ABCA5: variants seen among roughly 807,000 people sequenced by gnomAD.
ABCA5 encodes the protein ATP binding cassette subfamily A member 5.
ABCA5 carries 163 observed loss-of-function variants against 206.0 expected under a neutral mutation model. That is an observed-to-expected ratio of 0.79 (90% CI 0.70 to 0.90). ABCA5 has a LOEUF of 0.90. Among genes scored for constraint, ABCA5 ranks in the 40% least tolerant of loss-of-function variants. The pLI, the probability that ABCA5 is intolerant of heterozygous loss-of-function variation, is 0.00. For synonymous variants in ABCA5, 609 were observed against 613.8 expected (o/e 0.99, Z 0.11); for missense variants, 1,859 against 1,912.9 (o/e 0.97, Z 0.53).
chr17:69,315,953 A>T (rs543676129), intron 1 of ABCA5, among the ~76,000 whole-genome samples: 5 of 152,280 alleles, frequency 3.3e-5, no homozygotes, highest in African/African-American at 1.2e-4. Flanking sequence ...AAATCTTAGC[A>T]AAGAAACAAG....
Position 69,271,231 on chromosome 17 carries a change from C to T in ABCA5, c.2823G>A (p.Met941Ile). The T allele has an allele frequency of 6.2e-7, 1 of 1,613,504 alleles. No homozygotes were observed. Among genetic ancestry groups the T allele is most frequent in the Non-Finnish European group, 8.5e-7 (1 of 1,179,620 alleles). ...FFTSQNIMVT[M>I]INDSDYVSVA... is the part of the protein sequence containing the mutation. ...CGGATACATAGTCACTGTCATTAAT[C>T]ATCGTCACCATTATGTTCTGGCTTG... The change falls in exon 21 of 39, where the codon ATG (methionine) becomes ATA (isoleucine). Residue 941 changes from methionine (M) to isoleucine (I), a missense_variant. Physicochemically the swap from Met to Ile is conservative, Grantham distance 10 (BLOSUM62 1). Coordinates refer to ENST00000392676, the MANE Select transcript of ABCA5 (RefSeq NM_172232.4).
chr17:69,283,856 T>C, intron 18 of ABCA5, 97 bp downstream of exon 18: 1 of 1,261,378 alleles, frequency 7.9e-7, no homozygotes, highest in South Asian at 1.5e-5. Context: ...CTACCCTTTA[T>C]TCTAAAAAAA....
At chr17:69,304,842 A>G in intron 6 of ABCA5, 32 bp from the exon 7 acceptor site, 1 of 1,541,590 alleles carries the variant, frequency 6.5e-7, no homozygotes, top group Non-Finnish European at 8.7e-7. Context: ...AGTTATGGTC[A>G]AATGCATAGG....
chr17:69,248,422 A>C, intron 37 of ABCA5, 105 bp from the exon 38 acceptor site: 1 of 645,810 alleles, frequency 1.5e-6, no homozygotes, highest in Non-Finnish European at 2.6e-6. Context: ...TAATCAACCC[A>C]CTTAAATTTG....
At chr17:69,260,437 T>C (rs901477437) in intron 26 of ABCA5, 25 bp from the exon 27 acceptor site, 2 of 1,408,574 alleles carry the variant, frequency 1.4e-6, no homozygotes, top group African/African-American at 2.8e-5. Flanking sequence ...TTTGAAAATA[T>C]ATACGCTGCA....
At chr17:69,311,136 G>A (rs1598204717) in intron 3 of ABCA5, among the ~76,000 whole-genome samples, 1 of 152,072 alleles carries the variant, frequency 6.6e-6, no homozygotes, top group East Asian at 1.9e-4. Context: ...AGAGGCTGCA[G>A]TGAGCTGAGA....
At chr17:69,303,807 T>TAC (rs1555584104) in intron 7 of ABCA5, among the ~76,000 whole-genome samples, 1 of 5,226 alleles carries the variant, frequency 1.9e-4, no homozygotes, top group African/African-American at 2.5e-4. Flanking sequence ...TATATATATA[T>TAC]ACATACATAT....
At chr17:69,267,645 A>G (rs1315337445) in intron 23 of ABCA5, among the ~76,000 whole-genome samples, 2 of 152,216 alleles carry the variant, frequency 1.3e-5, no homozygotes, top group South Asian at 2.1e-4. Flanking sequence ...AGTCAACCTG[A>G]GCAAGTCATA....
rs769623142 is a variant in ABCA5 at position 69,313,304 on chromosome 17, A to G, written c.103-8T>C. ...TAGTGGAAAAAGAATTTCCTACAAT[A>G]AAAGAAACAAAGTAATTACAAAGTA... On this transcript the variant is annotated splice_region_variant and splice_polypyrimidine_tract_variant and intron_variant, in intron 2 of 38. Coordinates refer to ENST00000392676, the MANE Select transcript of ABCA5 (RefSeq NM_172232.4). The G allele has an allele frequency of 4.7e-6, 6 of 1,269,476 alleles. No individual in the cohort carries two copies. In the South Asian group the frequency reaches 8.5e-5, roughly 18 times the overall value. 78.6% of individuals were successfully genotyped at this position (1,269,476 alleles called of 1,614,324 possible). A position where few individuals can be genotyped will look rare whatever the true frequency, so the allele number is the denominator to read the frequency against.
At position 69,256,115 on chromosome 17, in the gene ABCA5, C is replaced by A. The variant is rs760437215; in HGVS notation, c.3858+42G>T. On this transcript the variant is annotated intron_variant, in intron 29 of 38. Transcript: ENST00000392676. ...TAATTTCTATATACCGGGAATTGAT[C>A]ATTTCATATTTACTATGACTTAGCC... 54 of 1,506,384 alleles carry A rather than the reference C, an allele frequency of 3.6e-5. No homozygotes were observed. The South Asian group carries it at 5.3e-4, about 15-fold the overall frequency. 93.3% of individuals were successfully genotyped at this position (1,506,384 alleles called of 1,614,324 possible). A position where few individuals can be genotyped will look rare whatever the true frequency, so the allele number is the denominator to read the frequency against.
rs760542690 is a variant in ABCA5, at chr17:69,277,845, A to G, written c.2393-3T>C. On this transcript the variant is annotated splice_polypyrimidine_tract_variant and splice_region_variant and intron_variant, in intron 18 of 38. Transcript: ENST00000392676. Reference sequence around the variant, plus strand: ...CTGCTGAGTAAATACACTATAATCTATTTGCCAAAACAAAACAAACATTTC... The same window carrying G: ...CTGCTGAGTAAATACACTATAATCTGTTTGCCAAAACAAAACAAACATTTC... 13 of 1,499,446 alleles carry G rather than the reference A, an allele frequency of 8.7e-6. No individual in the cohort carries two copies. Among genetic ancestry groups the G allele is most frequent in the Middle Eastern group, 1.8e-4 (1 of 5,622 alleles). 92.9% of individuals were successfully genotyped at this position (1,499,446 alleles called of 1,614,324 possible). A position where few individuals can be genotyped will look rare whatever the true frequency, so the allele number is the denominator to read the frequency against.
Position 69,251,769 on chromosome 17 carries a change from T to G in ABCA5, c.4513A>C (p.Ile1505Leu). 6.2e-7 allele frequency: 1 copy of G among 1,614,014 alleles called. No homozygotes were observed. Among genetic ancestry groups the G allele is most frequent in the Non-Finnish European group, 8.5e-7 (1 of 1,179,970 alleles). ...EAEAVCDRVA[I>L]MVSGQLRCIG... ...AACCTTAACTGCCCAGACACCATGA[T>G]AGCTACTCGATCACAGACAGCCTCT... The change falls in exon 35 of 39, where the codon ATC becomes CTC. Residue 1505 changes from isoleucine to leucine, a missense_variant. Ile to Leu is a conservative substitution (Grantham distance 5). Transcript: ENST00000392676.
intron 11 of ABCA5, among the ~76,000 whole-genome samples, chr17:69,292,128 CA>C (rs914418858): frequency 6.6e-6 from 1 of 151,862 alleles, no homozygotes; most frequent in Non-Finnish European, 1.5e-5. Flanking sequence ...CAAACAACAA[CA>C]AAAACTAGAC....
At chr17:69,286,392 A>G in intron 15 of ABCA5, 81 bp from the exon 16 acceptor site, 1 of 1,212,092 alleles carries the variant, frequency 8.3e-7, no homozygotes, top group Non-Finnish European at 1.2e-6. Flanking sequence ...GGTTTCTCAT[A>G]TGAGAGTCAT....
Position 69,274,497 on chromosome 17 carries a change from T to C in ABCA5, c.2595-369A>G, listed in dbSNP as rs547507988. ...CCTCAGCCTCCCAAAGTGCTGGGAT[T>C]GCAGGTGTGAGCCACCTTGACCAGC... On this transcript the variant is annotated intron_variant, in intron 19 of 38. Transcript: ENST00000392676. 2.6e-5 allele frequency among the ~76,000 whole-genome samples: 4 copies of C among 151,984 alleles called. No individual in the cohort carries two copies. In the East Asian group the frequency reaches 5.8e-4, roughly 22 times the overall value.
intron 1 of ABCA5, among the ~76,000 whole-genome samples, chr17:69,323,946 A>G (rs558366796): frequency 6.6e-6 from 1 of 152,348 alleles, no homozygotes; most frequent in East Asian, 1.9e-4. Flanking sequence ...TTCAGTGTCT[A>G]TAAATACAGT....
chr17:69,291,143 AC>A (rs1365346472), intron 12 of ABCA5, 72 bp downstream of exon 12: 1 of 970,288 alleles, frequency 1.0e-6, no homozygotes, highest in Non-Finnish European at 1.4e-6. Context: ...GGTCCCATTG[AC>A]AAAAATTATT....
chr17:69,300,857 A>G (rs1309561591), intron 9 of ABCA5, among the ~76,000 whole-genome samples: 1 of 152,164 alleles, frequency 6.6e-6, no homozygotes, highest in Non-Finnish European at 1.5e-5. Flanking sequence ...AAAATAAAAT[A>G]CTTCAATTAA....
intron 11 of ABCA5, among the ~76,000 whole-genome samples, chr17:69,292,443 T>C (rs1203123992): frequency 2.0e-5 from 3 of 152,202 alleles, no homozygotes; most frequent in Admixed American, 1.3e-4. Flanking sequence ...GATTTTTCCA[T>C]TATTTATCAT....
Sources: gnomAD v4.1 joint callset for allele counts (sites outside exome capture counted in the v4.1 genomes callset) on GRCh38, gnomAD v4.1.1 for gene constraint, MANE v1.5 for transcripts, NCBI Gene and HGNC (gene_info 2026-07-23, HGNC 2026-07-21) for gene names.